The following MYO5C variants were observed in gnomAD, a reference collection of about 807,000 sequenced individuals.
MYO5C encodes myosin VC.
A neutral mutation model predicts 235.7 loss-of-function variants in MYO5C; 194 were observed. That is an observed-to-expected ratio of 0.82 (90% CI 0.73 to 0.93). The LOEUF is 0.93. Ranked by LOEUF, MYO5C falls within the 40% of genes least tolerant of loss-of-function variation. The probability of loss-of-function intolerance (pLI) is 0.00; values close to 1 mark genes in which losing one functional copy is unlikely to be tolerated. For synonymous variants in MYO5C, 707 were observed against 754.8 expected (o/e 0.94, Z 1.04); for missense variants, 2,038 against 2,127.2 (o/e 0.96, Z 0.82).
chr15:52,255,884 A>G (rs147244546), intron 11 of MYO5C, among the ~76,000 whole-genome samples: 177 of 148,500 alleles, frequency 1.2e-3, no homozygotes, highest in African/African-American at 4.4e-3. Context: ...TTCCCAGTGG[A>G]AAAAAAAAAT....
intron 1 of MYO5C, among the ~76,000 whole-genome samples, chr15:52,291,700 G>A (rs1485394114): frequency 2.3e-5 from 3 of 132,128 alleles, no homozygotes; most frequent in Non-Finnish European, 3.3e-5. Flanking sequence ...AGTGATATGT[G>A]TGGTCTTTTT....
At chr15:52,277,322 G>T in intron 4 of MYO5C, 1 of 493,960 alleles carries the variant, frequency 2.0e-6, no homozygotes, top group Non-Finnish European at 4.0e-6. Flanking sequence ...GCCCTACAGT[G>T]CCAAAGAGCT....
chr15:52,203,977 C>T (rs577157920), intron 38 of MYO5C, among the ~76,000 whole-genome samples: 1 of 152,282 alleles, frequency 6.6e-6, no homozygotes, highest in South Asian at 2.1e-4. Flanking sequence ...CATCACTACC[C>T]CAGGTTCTCA....
At chr15:52,242,438 C>G (rs527758855) in intron 19 of MYO5C, 2 of 499,478 alleles carry the variant, frequency 4.0e-6, no homozygotes, top group East Asian at 6.5e-5. Context: ...TCATTCAGGC[C>G]AGTCGATTCA....
intron 25 of MYO5C, among the ~76,000 whole-genome samples, chr15:52,227,429 C>T (rs2035854582): frequency 6.6e-6 from 1 of 151,116 alleles, no homozygotes; most frequent in African/African-American, 2.4e-5. Flanking sequence ...GATCTCCTGA[C>T]CTCGTGATCC....
At position 52,201,405 on chromosome 15, in the gene MYO5C, A is replaced by G. The variant is rs939205332; in HGVS notation, c.4820+3460T>C. On this transcript the variant is annotated intron_variant, in intron 38 of 40. Coordinates refer to ENST00000261839, the MANE Select transcript of MYO5C (RefSeq NM_018728.4). The stretch of plus-strand genomic sequence containing the variant: ...AAAGTGGTGAAAGAAAACAACTGTC[A>G]ATCCAGAATTCTACATCCTACAAAC... Among the ~76,000 whole-genome samples the G allele has an allele frequency of 2.0e-5, 3 of 152,252 alleles. No individual in the cohort carries two copies. In the East Asian group the frequency reaches 5.8e-4, roughly 29 times the overall value.
intron 17 of MYO5C, 118 bp from the exon 18 acceptor site, chr15:52,245,583 A>C (rs2036321866): frequency 2.6e-6 from 2 of 758,248 alleles, no homozygotes; most frequent in Admixed American, 3.8e-5. Flanking sequence ...ATCTGTCCTG[A>C]GGATAAAGGC....
chr15:52,219,651 A>T lies in MYO5C; in HGVS notation c.3785+108T>A, dbSNP rs117402273. On this transcript the variant is annotated intron_variant, in intron 31 of 40. Coordinates refer to ENST00000261839, the MANE Select transcript of MYO5C (RefSeq NM_018728.4). ...AGAATGGCAATATGTCATATATATT[A>T]ATTAGCATCTTGCTTTTTGGCATTA... The T allele has an allele frequency of 5.3e-3, 4,166 of 793,346 alleles. 95 individuals are homozygous for T. Among genetic ancestry groups the T allele is most frequent in the Admixed American group, 0.038 (1,782 of 46,734 alleles). 49.1% of individuals were successfully genotyped at this position (793,346 alleles called of 1,614,324 possible). A position where few individuals can be genotyped will look rare whatever the true frequency, so the allele number is the denominator to read the frequency against.
chr15:52,232,301 G>GA (rs2035977972), intron 24 of MYO5C, among the ~76,000 whole-genome samples: 1 of 149,416 alleles, frequency 6.7e-6, no homozygotes, highest in Non-Finnish European at 1.5e-5. Flanking sequence ...AGGAAGGAGA[G>GA]AAGGAAGGAA....
intron 20 of MYO5C, 115 bp downstream of exon 20, chr15:52,241,933 G>A: frequency 8.4e-7 from 1 of 1,195,464 alleles, no homozygotes; most frequent in Non-Finnish European, 1.2e-6. Context: ...TGGCTTGGCT[G>A]ACACTTTGTA....
intron 18 of MYO5C, 140 bp from the exon 19 acceptor site, chr15:52,244,707 A>T (rs567994324): frequency 1.6e-6 from 1 of 628,812 alleles, no homozygotes; most frequent in Non-Finnish European, 2.7e-6. Flanking sequence ...TCACATCATG[A>T]TCTAGAAATG....
intron 22 of MYO5C, 79 bp from the exon 23 acceptor site, chr15:52,235,842 A>G (rs2036070509): frequency 1.1e-6 from 1 of 869,812 alleles, no homozygotes; most frequent in Non-Finnish European, 1.8e-6. Context: ...CTTCACAAAA[A>G]GATGTATATT....
chr15:52,236,702 G>T (rs2036095232), intron 22 of MYO5C: 1 of 152,010 alleles, frequency 6.6e-6, no homozygotes, highest in African/African-American at 2.4e-5. Flanking sequence ...ACAAAATGCA[G>T]CAGAGTGGAT....
At chr15:52,291,731 G>GTTTTGT (rs1367919390) in intron 1 of MYO5C, among the ~76,000 whole-genome samples, 2 of 52,564 alleles carry the variant, frequency 3.8e-5, no homozygotes, top group African/African-American at 1.7e-4. Flanking sequence ...CATATTTTAT[G>GTTTTGT]TTTTTTTTTT....
At chr15:52,233,962 C>T (rs2036025091) in intron 23 of MYO5C, among the ~76,000 whole-genome samples, 1 of 152,122 alleles carries the variant, frequency 6.6e-6, no homozygotes, top group Non-Finnish European at 1.5e-5. Context: ...TAACATAGTG[C>T]CAAATGTTTC....
At chr15:52,221,726 A>G (rs150981901) in intron 29 of MYO5C, among the ~76,000 whole-genome samples, 48 of 152,254 alleles carry the variant, frequency 3.2e-4, no homozygotes, top group African/African-American at 1.2e-3. Flanking sequence ...CCCTATCTGT[A>G]TATTTCTTTA....
intron 10 of MYO5C, among the ~76,000 whole-genome samples, chr15:52,257,149 A>G (rs2036601256): frequency 6.6e-6 from 1 of 152,238 alleles, no homozygotes; most frequent in East Asian, 1.9e-4. Context: ...TGAGAAGGCA[A>G]TGTGGTTTCC....
intron 35 of MYO5C, among the ~76,000 whole-genome samples, chr15:52,211,405 C>T (rs1015659596): frequency 3.3e-5 from 5 of 152,156 alleles, no homozygotes; most frequent in African/African-American, 4.8e-5. Flanking sequence ...TTTTTCACTC[C>T]ATTTCATTTC....
At chr15:52,291,157 G>A (rs2037380198) in intron 1 of MYO5C, among the ~76,000 whole-genome samples, 1 of 152,166 alleles carries the variant, frequency 6.6e-6, no homozygotes, top group Admixed American at 6.5e-5. Context: ...ATACACTGAG[G>A]GATGCTCACA....
Sources: gnomAD v4.1 joint callset for allele counts (sites outside exome capture counted in the v4.1 genomes callset) on GRCh38, gnomAD v4.1.1 for gene constraint, MANE v1.5 for transcripts, NCBI Gene and HGNC (gene_info 2026-07-23, HGNC 2026-07-21) for gene names.